The following RANBP2 variants were observed in gnomAD, a reference collection of about 807,000 sequenced individuals.
RANBP2 encodes E3 SUMO-protein ligase RanBP2.
A neutral mutation model predicts 303.6 loss-of-function variants in RANBP2; 57 were observed. The ratio of observed to expected loss-of-function variants is 0.19; its 90% CI spans 0.15 to 0.23. The LOEUF is 0.23. RANBP2 is among the 10% of genes least tolerant of loss of function. The pLI, the probability that RANBP2 is intolerant of heterozygous loss-of-function variation, is 1.00. For synonymous variants in RANBP2, 1,167 were observed against 1,301.5 expected, an observed-to-expected ratio of 0.90 and a Z score of 2.23; for missense variants, 3,138 against 3,780.8, an observed-to-expected ratio of 0.83 and a Z score of 4.46.
chr2:108,720,883 T>C (rs1013293086), intron 1 of RANBP2, among the ~76,000 whole-genome samples: 3 of 152,064 alleles, frequency 2.0e-5, no homozygotes, highest in African/African-American at 7.2e-5. Context: ...TCGTCTCTAC[T>C]AAAAATACAA....
the RANBP2 span, among the ~76,000 whole-genome samples, chr2:109,649,381 G>C: frequency 6.6e-6 from 1 of 151,934 alleles, no homozygotes; most frequent in Non-Finnish European, 1.5e-5. Flanking sequence ...ATATTTAAAG[G>C]TATTATGAAT....
the RANBP2 span, among the ~76,000 whole-genome samples, chr2:109,343,967 C>A: frequency 6.6e-6 from 1 of 152,134 alleles, no homozygotes; most frequent in Non-Finnish European, 1.5e-5. Flanking sequence ...TAGCCTTAAA[C>A]TCCTGGCCTC....
the RANBP2 span, among the ~76,000 whole-genome samples, chr2:109,290,924 A>G: frequency 6.6e-6 from 1 of 152,264 alleles, no homozygotes; most frequent in African/African-American, 2.4e-5. Flanking sequence ...TTCGTTGAGA[A>G]TAGCTGCTTT....
chr2:109,053,088 G>A, the RANBP2 span, among the ~76,000 whole-genome samples: 2 of 152,176 alleles, frequency 1.3e-5, no homozygotes, highest in Non-Finnish European at 2.9e-5. Flanking sequence ...TGGAGGGTGA[G>A]GGCGCTGTGG....
the RANBP2 span, among the ~76,000 whole-genome samples, chr2:109,573,124 T>C: frequency 6.6e-6 from 1 of 152,172 alleles, no homozygotes; most frequent in East Asian, 1.9e-4. Flanking sequence ...CATGGATCAA[T>C]TTAATTAATT....
At chr2:109,392,757 C>T in the RANBP2 span, among the ~76,000 whole-genome samples, 4 of 152,148 alleles carry the variant, frequency 2.6e-5, no homozygotes, top group South Asian at 2.1e-4. Flanking sequence ...CCTTGTGATC[C>T]GCCCACCTCA....
chr2:109,732,847 T>C, the RANBP2 span: 2 of 1,302,022 alleles, frequency 1.5e-6, no homozygotes, highest in Non-Finnish European at 2.2e-6. Context: ...GCTTTGCTTT[T>C]GTTGAATTTG....
the RANBP2 span, among the ~76,000 whole-genome samples, chr2:109,264,994 CTCTG>C: frequency 6.6e-6 from 1 of 152,216 alleles, no homozygotes; most frequent in East Asian, 1.9e-4. Context: ...TAGCCGCATG[CTCTG>C]TCTTAGAGGC....
At chr2:109,268,105 G>A in the RANBP2 span, among the ~76,000 whole-genome samples, 1 of 151,872 alleles carries the variant, frequency 6.6e-6, no homozygotes, top group Non-Finnish European at 1.5e-5. Context: ...CCGATGGGGA[G>A]GAAGGGGCTG....
At chr2:109,330,728 A>C in the RANBP2 span, among the ~76,000 whole-genome samples, 1 of 152,142 alleles carries the variant, frequency 6.6e-6, no homozygotes, top group Non-Finnish European at 1.5e-5. Context: ...TAAACAAATA[A>C]ATGGAGAGAT....
At chr2:109,271,053 T>A in the RANBP2 span, among the ~76,000 whole-genome samples, 2 of 152,194 alleles carry the variant, frequency 1.3e-5, no homozygotes, top group African/African-American at 4.8e-5. Context: ...GAGTATACAT[T>A]AGTCTAAGGC....
the RANBP2 span, among the ~76,000 whole-genome samples, chr2:109,398,330 G>A: frequency 7.9e-5 from 12 of 152,284 alleles, no homozygotes; most frequent in South Asian, 4.1e-4. Flanking sequence ...GGGCGACAAG[G>A]TAGTGGCCCT....
At chr2:109,129,415 C>T in the RANBP2 span, 1 of 1,454,452 alleles carries the variant, frequency 6.9e-7, no homozygotes, top group South Asian at 1.3e-5. Flanking sequence ...ATCGGGCCAC[C>T]AGCCGGGGTG....
chr2:109,346,712 C>G, the RANBP2 span, among the ~76,000 whole-genome samples: 1 of 152,094 alleles, frequency 6.6e-6, no homozygotes, highest in Non-Finnish European at 1.5e-5. Flanking sequence ...CTCCTTATTG[C>G]TGACAAGCAG....
the RANBP2 span, chr2:109,544,178 TCAGTA>T: frequency 1.3e-6 from 2 of 1,588,962 alleles, no homozygotes; most frequent in East Asian, 4.5e-5. Flanking sequence ...TCCATAAATA[TCAGTA>T]ACTGTGGCTG....
the RANBP2 span, among the ~76,000 whole-genome samples, chr2:109,434,446 T>C: frequency 6.6e-6 from 1 of 152,236 alleles, no homozygotes; most frequent in Non-Finnish European, 1.5e-5. Context: ...GAAATCCAGC[T>C]TCCTTGCGTA....
At chr2:109,110,048 G>A in the RANBP2 span, among the ~76,000 whole-genome samples, 1 of 152,112 alleles carries the variant, frequency 6.6e-6, no homozygotes, top group African/African-American at 2.4e-5. Context: ...GGAGATCTGA[G>A]ACCCCTTCAC....
At chr2:109,130,145 G>A in the RANBP2 span, 85 of 1,277,804 alleles carry the variant, frequency 6.7e-5, no homozygotes, top group Non-Finnish European at 8.1e-5. Flanking sequence ...AGTGGCCACG[G>A]CACGTGGGAG....
the RANBP2 span, among the ~76,000 whole-genome samples, chr2:109,286,844 C>G: frequency 2.0e-5 from 3 of 152,150 alleles, no homozygotes; most frequent in South Asian, 6.2e-4. Context: ...TTCCCAGATC[C>G]AAACTTCTCC....
Sources: allele counts gnomAD v4.1 joint callset (sites outside exome capture counted in the v4.1 genomes callset), GRCh38; gene constraint gnomAD v4.1.1; transcripts MANE v1.5; gene names NCBI Gene and HGNC (gene_info 2026-07-23, HGNC 2026-07-21).